The following CRTC1 variants were observed in gnomAD, a reference collection of about 807,000 sequenced individuals.
The protein encoded by CRTC1 is CREB-regulated transcription coactivator 1.
A neutral mutation model predicts 66.1 loss-of-function variants in CRTC1; 18 were observed. The observed-to-expected ratio is 0.27, with a 90% confidence interval of 0.19 to 0.40. The LOEUF (loss-of-function observed/expected upper bound fraction) is 0.40, where lower values mean the gene tolerates loss of function less well. Among genes scored for constraint, CRTC1 ranks in the 10% least tolerant of loss-of-function variants. The pLI, the probability that CRTC1 is intolerant of heterozygous loss-of-function variation, is 1.00. For missense variants in CRTC1, 669 were observed against 887.9 expected, an observed-to-expected ratio of 0.75 and a Z score of 3.13; for synonymous variants, 416 against 398.8, an observed-to-expected ratio of 1.04 and a Z score of -0.51.
Position 18,768,948 on chromosome 19 carries a change from G to C in CRTC1, c.1320+155G>C, listed in dbSNP as rs529143621. On this transcript the variant is annotated intron_variant, in intron 10 of 13. Transcript: ENST00000321949. The surrounding 1 kb of genome is among the most constrained non-coding windows in gnomAD (Gnocchi z 5.6). ...CCACCTCTCCACGGGGCTACCCCTT[G>C]GAATCAAACTGAGACTGTCACTCCC... 6.6e-6 allele frequency among the ~76,000 whole-genome samples: 1 copy of C among 152,312 alleles called. No homozygotes were observed. The highest frequency in any genetic ancestry group is 1.9e-4 in the East Asian group (1 of 5,180).
chr19:18,687,177 G>C lies in CRTC1; in HGVS notation c.126+3349G>C, dbSNP rs139355027. 8.7e-3 allele frequency among the ~76,000 whole-genome samples: 1,327 copies of C among 152,002 alleles called. 11 individuals carry two copies. Among genetic ancestry groups the C allele is most frequent in the Non-Finnish European group, 0.015 (1,015 of 67,998 alleles). On this transcript the variant is annotated intron_variant, in intron 1 of 13. Coordinates refer to ENST00000321949, the MANE Select transcript of CRTC1 (RefSeq NM_015321.3). The stretch of plus-strand genomic sequence containing the variant: ...ATTACAGGCATCTGCTACCATGCCT[G>C]GCTAATTTTTGTATTTGTAGCAGAG...
chr19:18,776,182 G>T (rs1474050037), intron 13 of CRTC1, among the ~76,000 whole-genome samples: 1 of 152,242 alleles, frequency 6.6e-6, no homozygotes, highest in Non-Finnish European at 1.5e-5. Flanking sequence ...TGTGCACCAG[G>T]GTCAGGGACG....
At chr19:18,736,025 A>G (rs1002168901) in intron 1 of CRTC1, among the ~76,000 whole-genome samples, 2 of 152,026 alleles carry the variant, frequency 1.3e-5, no homozygotes, top group African/African-American at 4.8e-5. Flanking sequence ...GGGCTGGCTG[A>G]GCGGGTGGGT....
intron 1 of CRTC1, among the ~76,000 whole-genome samples, chr19:18,693,479 GTTTTTGTTTTTT>G (rs1223917812): frequency 7.7e-6 from 1 of 129,720 alleles, no homozygotes; most frequent in Non-Finnish European, 1.6e-5. Flanking sequence ...TAACTCTTTT[GTTTTTGTTTTTT>G]TTTTTTTTGA....
At chr19:18,772,784 G>GCATGCTTGGTCTGCC (rs2054898842) in intron 11 of CRTC1, among the ~76,000 whole-genome samples, 2 of 152,202 alleles carry the variant, frequency 1.3e-5, no homozygotes, top group African/African-American at 4.8e-5. Flanking sequence ...TGGTGTCTGC[G>GCATGCTTGGTCTGCC]CATGCTTGGT....
At chr19:18,708,978 G>T (rs1021006610) in intron 1 of CRTC1, among the ~76,000 whole-genome samples, 1 of 152,184 alleles carries the variant, frequency 6.6e-6, no homozygotes, top group Non-Finnish European at 1.5e-5. Context: ...CTGTCTCTAG[G>T]CCCGGGAGGA....
At position 18,761,578 on chromosome 19, in the gene CRTC1, C is replaced by T. The variant is rs368469104; in HGVS notation, c.886+1350C>T. ...GTCACATGCTTACATTTGTAACTGG[C>T]GGAGTCCCCCTGGCTGCCCTGGAAG... On this transcript the variant is annotated intron_variant, in intron 8 of 13. Transcript: ENST00000321949. Among the ~76,000 whole-genome samples the T allele has an allele frequency of 5.6e-4, 86 of 152,288 alleles. 1 individual carries two copies. The highest frequency in any genetic ancestry group is 2.0e-3 in the African/African-American group (83 of 41,558).
intron 1 of CRTC1, among the ~76,000 whole-genome samples, chr19:18,709,085 T>A (rs1336585281): frequency 6.6e-6 from 1 of 152,164 alleles, no homozygotes; most frequent in East Asian, 1.9e-4. Context: ...GTCCCAGGGC[T>A]GTTTCTGGAG....
intron 1 of CRTC1, among the ~76,000 whole-genome samples, chr19:18,688,978 C>T (rs2052757029): frequency 6.6e-6 from 1 of 152,050 alleles, no homozygotes; most frequent in Non-Finnish European, 1.5e-5. Context: ...AGAGTCTCAG[C>T]TCTGTCACCC....
chr19:18,764,605 C>T (rs938056017), intron 8 of CRTC1, among the ~76,000 whole-genome samples: 7 of 152,162 alleles, frequency 4.6e-5, no homozygotes, highest in East Asian at 1.9e-4. Flanking sequence ...GGTGATGAGG[C>T]GGCTCCTGGC....
Position 18,707,171 on chromosome 19 carries a change from T to C in CRTC1, c.126+23343T>C, listed in dbSNP as rs2053286256. Among the ~76,000 whole-genome samples the C allele has an allele frequency of 5.3e-5, 8 of 152,332 alleles. No individual in the cohort carries two copies. The South Asian group carries it at 1.7e-3, about 32-fold the overall frequency. ...TTCCAAGAGTTTTATAGTTTTAGTATATATAGTTTTAGCTTTTATGGTTTT... is the reference window on the plus strand; with the variant it reads ...TTCCAAGAGTTTTATAGTTTTAGTACATATAGTTTTAGCTTTTATGGTTTT... On this transcript the variant is annotated intron_variant, in intron 1 of 13. Transcript: ENST00000321949.
At chr19:18,767,242 A>G (rs1487798559) in intron 9 of CRTC1, among the ~76,000 whole-genome samples, 1 of 151,898 alleles carries the variant, frequency 6.6e-6, no homozygotes, top group Non-Finnish European at 1.5e-5. Context: ...TCTGTCGCCC[A>G]GGCTGGAGTG....
chr19:18,709,355 G>A (rs780409413), intron 1 of CRTC1, among the ~76,000 whole-genome samples: 6 of 152,062 alleles, frequency 3.9e-5, no homozygotes, highest in African/African-American at 7.2e-5. Flanking sequence ...GCCCCCACAC[G>A]TAACCCTCAG....
chr19:18,753,032 A>G (rs1017750222), intron 5 of CRTC1, among the ~76,000 whole-genome samples: 10 of 151,850 alleles, frequency 6.6e-5, no homozygotes, highest in East Asian at 3.9e-4. Context: ...TTGGGAGGCC[A>G]AGGCGGGCGG....
At chr19:18,706,515 C>A (rs556705430) in intron 1 of CRTC1, among the ~76,000 whole-genome samples, 1 of 152,064 alleles carries the variant, frequency 6.6e-6, no homozygotes, top group East Asian at 1.9e-4. Context: ...CCCCATTGGT[C>A]TTTATGTTTC....
chr19:18,685,218 G>A (rs548872001), intron 1 of CRTC1, among the ~76,000 whole-genome samples: 3 of 152,250 alleles, frequency 2.0e-5, no homozygotes, highest in African/African-American at 4.8e-5. Flanking sequence ...TTCTGTGTTG[G>A]TAATGATTGG....
chr19:18,712,037 C>T (rs1465805076), intron 1 of CRTC1, among the ~76,000 whole-genome samples: 2 of 152,120 alleles, frequency 1.3e-5, no homozygotes, highest in Non-Finnish European at 2.9e-5. Context: ...AACATCCAGG[C>T]TCAAGTGATC....
intron 1 of CRTC1, among the ~76,000 whole-genome samples, chr19:18,709,235 T>C (rs528722607): frequency 5.9e-5 from 9 of 152,184 alleles, no homozygotes; most frequent in South Asian, 4.2e-4. Flanking sequence ...GGACAGGGCC[T>C]CCCAGCCTGG....
intron 1 of CRTC1, among the ~76,000 whole-genome samples, chr19:18,699,164 A>C (rs1204535766): frequency 6.6e-6 from 1 of 152,186 alleles, no homozygotes; most frequent in South Asian, 2.1e-4. Context: ...TCTCCAGTTC[A>C]TTCTGGAATC....
Sources: gnomAD v4.1 joint callset for allele counts (sites outside exome capture counted in the v4.1 genomes callset) on GRCh38, gnomAD v4.1.1 for gene constraint, Gnocchi (gnomAD v3.1) non-coding constraint, MANE v1.5 for transcripts, NCBI Gene and HGNC (gene_info 2026-07-23, HGNC 2026-07-21) for gene names.